The following C12orf75 variants were observed in gnomAD, a reference collection of about 807,000 sequenced individuals.
C12orf75 encodes overexpressed in colon carcinoma 1 protein.
Under a neutral mutation model 11.4 loss-of-function variants are expected in C12orf75, and 4 were observed. That is an observed-to-expected ratio of 0.35 (90% CI 0.17 to 0.80). The LOEUF (loss-of-function observed/expected upper bound fraction) is 0.80. Among genes scored for constraint, C12orf75 ranks in the 30% least tolerant of loss-of-function variants. The pLI, the probability that C12orf75 is intolerant of heterozygous loss-of-function variation, is 0.52. For missense variants in C12orf75, 89 were observed against 80.4 expected (o/e 1.11, Z -0.41); for synonymous variants, 30 against 30.0 (o/e 1.00, Z 0.00).
At chr12:105,366,409 A>T in intron 3 of C12orf75, 1 of 391,344 alleles carries the variant, frequency 2.6e-6, no homozygotes, top group Non-Finnish European at 4.5e-6. Context: ...TACTAACGCA[A>T]TACATCTTTC....
chr12:105,338,937 A>T (rs777590816), intron 1 of C12orf75, among the ~76,000 whole-genome samples: 10 of 152,220 alleles, frequency 6.6e-5, no homozygotes, highest in Non-Finnish European at 1.2e-4. Context: ...ACCTATAAAA[A>T]TGAGATTTTC....
In C12orf75 at chr12:105,343,671, A is replaced by G. The variant is rs554040616; in HGVS notation, c.47-4931A>G. Among the ~76,000 whole-genome samples, 15 of 151,958 alleles carry G rather than the reference A, an allele frequency of 9.9e-5. No individual in the cohort carries two copies. The South Asian group carries it at 3.1e-3, about 32-fold the overall frequency. The stretch of plus-strand genomic sequence containing the variant: ...TAAACTTATGCTTTGCATTTTATGT[A>G]CCTAGGTACTCTGATAGTTTTGTTT... On this transcript the variant is annotated intron_variant, in intron 1 of 5. Coordinates refer to ENST00000443585, the MANE Select transcript of C12orf75 (RefSeq NM_001145199.2).
At chr12:105,348,480 T>A (rs1319528371) in intron 1 of C12orf75, 122 bp from the exon 2 acceptor site, 4 of 552,418 alleles carry the variant, frequency 7.2e-6, no homozygotes, top group Admixed American at 4.2e-5. Flanking sequence ...TCTCTGTTTT[T>A]GAAAATTTTT....
intron 1 of C12orf75, among the ~76,000 whole-genome samples, chr12:105,343,200 T>C (rs769174206): frequency 5.3e-5 from 8 of 152,344 alleles, no homozygotes; most frequent in Non-Finnish European, 7.3e-5. Flanking sequence ...CTCCAAATTA[T>C]AATAGTCTCT....
intron 2 of C12orf75, among the ~76,000 whole-genome samples, chr12:105,363,736 A>G (rs1892906432): frequency 6.6e-6 from 1 of 152,134 alleles, no homozygotes; most frequent in Non-Finnish European, 1.5e-5. Flanking sequence ...TTAAAAAAAA[A>G]AAAAAGAGTG....
intron 2 of C12orf75, among the ~76,000 whole-genome samples, chr12:105,349,944 T>C (rs1892689429): frequency 6.6e-6 from 1 of 152,202 alleles, no homozygotes; most frequent in African/African-American, 2.4e-5. Context: ...AAGATGAGAA[T>C]GGGATTGTAA....
intron 5 of C12orf75, among the ~76,000 whole-genome samples, chr12:105,369,303 G>C (rs546145454): frequency 1.3e-5 from 2 of 152,116 alleles, no homozygotes; most frequent in Non-Finnish European, 2.9e-5. Context: ...TATAATTTTA[G>C]GCAGCTAGCT....
chr12:105,352,903 TTCTG>T (rs1310018903), intron 2 of C12orf75, among the ~76,000 whole-genome samples: 1 of 152,206 alleles, frequency 6.6e-6, no homozygotes. Flanking sequence ...TTCCCTCTCT[TTCTG>T]TCTCTTTGAA....
rs930305764 is a variant in C12orf75, at chr12:105,371,134, A to G, written c.*534A>G. The G allele has an allele frequency of 6.5e-6, 1 of 153,952 alleles. No homozygotes were observed. The highest frequency in any genetic ancestry group is 1.4e-5 in the Non-Finnish European group (1 of 69,078). 9.5% of individuals were successfully genotyped at this position (153,952 alleles called of 1,614,324 possible). On this transcript the variant is annotated 3_prime_UTR_variant, in exon 6 of 6. Coordinates refer to ENST00000443585, the MANE Select transcript of C12orf75 (RefSeq NM_001145199.2). The stretch of plus-strand genomic sequence containing the variant: ...AATTGGTAAATGGATTCTTACAACT[A>G]TCTCTTTCCATTTCTTACTATTTGG...
chr12:105,334,832 T>A (rs912521357), intron 1 of C12orf75, among the ~76,000 whole-genome samples: 1 of 152,224 alleles, frequency 6.6e-6, no homozygotes, highest in Non-Finnish European at 1.5e-5. Flanking sequence ...TCATTCCCTT[T>A]TATATAGTCA....
chr12:105,364,030 G>T (rs969957134), intron 2 of C12orf75, among the ~76,000 whole-genome samples: 8 of 152,172 alleles, frequency 5.3e-5, no homozygotes, highest in Admixed American at 4.6e-4. Flanking sequence ...AAAGGGGAAA[G>T]AATTAAAATA....
At chr12:105,341,892 C>G (rs1017509378) in intron 1 of C12orf75, among the ~76,000 whole-genome samples, 2 of 152,208 alleles carry the variant, frequency 1.3e-5, no homozygotes, top group Non-Finnish European at 2.9e-5. Context: ...GTCATGAGAT[C>G]TGATGGTTTT....
intron 1 of C12orf75, among the ~76,000 whole-genome samples, chr12:105,341,361 A>G (rs1892570908): frequency 6.6e-6 from 1 of 152,068 alleles, no homozygotes; most frequent in Admixed American, 6.5e-5. Context: ...CCTGCAATTC[A>G]ATTCAATTCT....
rs145807757 is a variant in C12orf75 at position 105,352,102 on chromosome 12, G to T, written c.71+3476G>T. On this transcript the variant is annotated intron_variant, in intron 2 of 5. Transcript: ENST00000443585. ...ATTTGTTTAATGACTGAACGGGGAAGGAAAGGAAAGGAAACTCTGAGGATA... is the reference window on the plus strand; with the variant it reads ...ATTTGTTTAATGACTGAACGGGGAATGAAAGGAAAGGAAACTCTGAGGATA... Among the ~76,000 whole-genome samples the T allele has an allele frequency of 1.2e-4, 18 of 152,286 alleles. No homozygotes were observed. The East Asian group carries it at 3.5e-3, about 29-fold the overall frequency.
At chr12:105,353,803 TG>T (rs1282351591) in intron 2 of C12orf75, among the ~76,000 whole-genome samples, 2 of 152,180 alleles carry the variant, frequency 1.3e-5, no homozygotes, top group Non-Finnish European at 2.9e-5. Context: ...ATGTAAACAA[TG>T]TAATTCAAAT....
chr12:105,349,646 C>G (rs558465112), intron 2 of C12orf75, among the ~76,000 whole-genome samples: 1 of 152,078 alleles, frequency 6.6e-6, no homozygotes, highest in Non-Finnish European at 1.5e-5. Context: ...GAGGCTGAGG[C>G]GGGTGGATCA....
In C12orf75 at chr12:105,330,859, C is replaced by G; in HGVS notation, c.-33C>G. The G allele has an allele frequency of 8.0e-7, 1 of 1,252,474 alleles. No individual in the cohort carries two copies. The highest frequency in any genetic ancestry group is 1.0e-6 in the Non-Finnish European group (1 of 999,674). 77.6% of individuals were successfully genotyped at this position (1,252,474 alleles called of 1,614,324 possible). On this transcript the variant is annotated 5_prime_UTR_variant, in exon 1 of 6. Transcript: ENST00000443585. ...CGCCCCCAGGACCCGCGGCCGAGAG[C>G]TCCGGAGCGCGGCTTCCCCGGCCGG... is the stretch of plus-strand genomic sequence containing the variant.
At chr12:105,336,875 T>C (rs551894205) in intron 1 of C12orf75, among the ~76,000 whole-genome samples, 2 of 152,336 alleles carry the variant, frequency 1.3e-5, no homozygotes, top group East Asian at 3.9e-4. Context: ...TGGAGACCCC[T>C]CTGCTCAGGT....
At chr12:105,353,249 T>C (rs1326025461) in intron 2 of C12orf75, among the ~76,000 whole-genome samples, 1 of 152,242 alleles carries the variant, frequency 6.6e-6, no homozygotes, top group African/African-American at 2.4e-5. Context: ...TCGTCTTCAT[T>C]CTTAGGCAGC....
Sources: gnomAD v4.1 joint callset for allele counts (sites outside exome capture counted in the v4.1 genomes callset) on GRCh38, gnomAD v4.1.1 for gene constraint, MANE v1.5 for transcripts, NCBI Gene and HGNC (gene_info 2026-07-23, HGNC 2026-07-21) for gene names.